Variants in ARSL observed in about 807,000 individuals in gnomAD.
ARSL encodes arylsulfatase E (chondrodysplasia punctata 1).
A neutral mutation model predicts 31.1 loss-of-function variants in ARSL; 4 were observed. That is an observed-to-expected ratio of 0.13 (90% CI 0.06 to 0.29). ARSL has a LOEUF of 0.29. ARSL is among the 10% of genes least tolerant of loss of function. ARSL has a pLI of 1.00. For synonymous variants in ARSL, 198 were observed against 209.9 expected, an observed-to-expected ratio of 0.94 and a Z score of 0.49; for missense variants, 312 against 497.8, an observed-to-expected ratio of 0.63 and a Z score of 3.55.
chrX:2,953,017 T>C, intron 5 of ARSL, 126 bp downstream of exon 5: 4 of 853,298 alleles, frequency 4.7e-6, no homozygotes, highest in Admixed American at 2.4e-5. Context: ...GGTTCCTAGA[T>C]ACATGCAGCT....
intron 6 of ARSL, among the ~76,000 whole-genome samples, chrX:2,947,912 C>T (rs1409315156): frequency 8.9e-6 from 1 of 112,461 alleles, no homozygotes; most frequent in African/African-American, 3.2e-5. Flanking sequence ...CACTTGAGGT[C>T]AGGAGTTCAA....
intron 1 of ARSL, among the ~76,000 whole-genome samples, chrX:2,963,643 C>A (rs1241791993): frequency 2.0e-5 from 2 of 100,607 alleles, no homozygotes; most frequent in Non-Finnish European, 3.9e-5. Flanking sequence ...TGGGCTCAAG[C>A]GATCCTCCTA....
At chrX:2,965,096 T>A (rs181494770), upstream of ARSL, among the ~76,000 whole-genome samples, 507 of 110,270 alleles carry the variant, frequency 4.6e-3, 2 homozygotes, top group African/African-American at 0.016. Context: ...CAAAAAAAAA[T>A]GTTTTAAAGA....
At chrX:2,968,044 G>T, upstream of ARSL, 1 of 920,854 alleles carries the variant, frequency 1.1e-6, no homozygotes, top group Non-Finnish European at 1.5e-6. Flanking sequence ...CATTGACAGG[G>T]ACTTGTTTGA....
intron 8 of ARSL, among the ~76,000 whole-genome samples, chrX:2,939,498 TAAA>T (rs2089251138): frequency 8.9e-6 from 1 of 112,228 alleles, no homozygotes; most frequent in Non-Finnish European, 1.9e-5. Context: ...GGCAATGAGA[TAAA>T]GAAGGTTTCT....
rs1427897388 is a variant in ARSL at position 2,943,132 on chromosome X, A to G, written c.1059T>C (p.Asp353=). 9.9e-6 allele frequency: 12 copies of G among 1,209,184 alleles called. No individual in the cohort carries two copies. Among genetic ancestry groups the G allele is most frequent in the Non-Finnish European group, 1.3e-5 (12 of 895,041 alleles). Residue 353 remains aspartate, a synonymous_variant, in exon 8 of 11, where the codon GAT becomes GAC. Transcript: ENST00000381134. ...SNSTLIYFTS[D]HGGSLENQLG... ...GTTGATTCTCTAGGGAACCGCCGTG[A>G]TCCGACGTAAAATAAATGAGGGTGC...
rs746761169 is a variant in ARSL at position 2,957,220 on chromosome X, C to CAAAA, written c.185+1050_185+1053dup. On this transcript the variant is annotated intron_variant, in intron 3 of 10. Coordinates refer to ENST00000381134, the MANE Select transcript of ARSL (RefSeq NM_000047.3). The stretch of plus-strand genomic sequence containing the variant: ...TGGGTGACAGAGCGAGACTCCGTCT[C>CAAAA]AAAAAAAAAAAATTAATGTTTATAT... Among the ~76,000 whole-genome samples, 690 of 90,925 alleles carry CAAAA rather than the reference C, an allele frequency of 7.6e-3. 8 individuals are homozygous for CAAAA. Among genetic ancestry groups the CAAAA allele is most frequent in the African/African-American group, 0.026 (644 of 24,386 alleles). 79.0% of individuals were successfully genotyped at this position (90,925 alleles called of 115,157 possible). A position where few individuals can be genotyped will look rare whatever the true frequency, so the allele number is the denominator to read the frequency against.
intron 1 of ARSL, 112 bp downstream of exon 1, chrX:2,964,112 T>C (rs910813752): frequency 2.1e-5 from 15 of 723,920 alleles, no homozygotes; most frequent in Middle Eastern, 7.8e-4. Flanking sequence ...CAAAACAAAC[T>C]GGGCAATTAT....
Position 2,934,605 on chromosome X carries a change from A to G in ARSL, c.*227T>C, listed in dbSNP as rs958337432. 2.1e-4 allele frequency: 80 copies of G among 376,476 alleles called. No homozygotes were observed. Among genetic ancestry groups the G allele is most frequent in the Middle Eastern group, 7.1e-4 (1 of 1,411 alleles). 31.0% of individuals were successfully genotyped at this position (376,476 alleles called of 1,213,427 possible). A position where few individuals can be genotyped will look rare whatever the true frequency, so the allele number is the denominator to read the frequency against. On this transcript the variant is annotated 3_prime_UTR_variant, in exon 11 of 11. Transcript: ENST00000381134. Reference sequence around the variant, plus strand: ...ATCCTCCTGCCTTAGCCTCCTGAGAAGCTAGAACTACAGGCGTGTGCCACC... The same window carrying G: ...ATCCTCCTGCCTTAGCCTCCTGAGAGGCTAGAACTACAGGCGTGTGCCACC...
At chrX:2,961,269 G>A (rs1415382926) in intron 1 of ARSL, among the ~76,000 whole-genome samples, 2 of 110,773 alleles carry the variant, frequency 1.8e-5, no homozygotes, top group Non-Finnish European at 3.8e-5. Flanking sequence ...AGGGTGTAGA[G>A]CAGGAAAGGA....
intron 7 of ARSL, among the ~76,000 whole-genome samples, chrX:2,944,688 C>G (rs2089347348): frequency 9.1e-6 from 1 of 109,665 alleles, no homozygotes; most frequent in South Asian, 3.9e-4. Context: ...TTTTGGGAGG[C>G]AGGGATGTGC....
At chrX:2,965,676 T>C (rs1248911126), upstream of ARSL, among the ~76,000 whole-genome samples, 4 of 111,121 alleles carry the variant, frequency 3.6e-5, no homozygotes, top group African/African-American at 1.3e-4. Flanking sequence ...TGAGGTGGGC[T>C]GATCACCTGA....
At chrX:2,951,001 C>T (rs956480586) in intron 5 of ARSL, among the ~76,000 whole-genome samples, 1 of 111,609 alleles carries the variant, frequency 9.0e-6, no homozygotes, top group Non-Finnish European at 1.9e-5. Flanking sequence ...TTAAACGAAG[C>T]CTTGTCCTTG....
chrX:2,965,654 G>A (rs776753188), upstream of ARSL, among the ~76,000 whole-genome samples: 6 of 110,871 alleles, frequency 5.4e-5, no homozygotes, highest in African/African-American at 9.8e-5. Context: ...TAATCCCAGC[G>A]CTTTGGGAGG....
chrX:2,935,484 AAC>A (rs2089184553), intron 10 of ARSL, among the ~76,000 whole-genome samples: 1 of 111,874 alleles, frequency 8.9e-6, no homozygotes, highest in Non-Finnish European at 1.9e-5. Flanking sequence ...AGGATAGGGA[AAC>A]ACATAATGAC....
upstream of ARSL, among the ~76,000 whole-genome samples, chrX:2,967,452 G>A (rs2089707721): frequency 9.0e-6 from 1 of 111,195 alleles, no homozygotes; most frequent in Non-Finnish European, 1.9e-5. Flanking sequence ...AGAGACAAGA[G>A]GCTGGGCGCG....
intron 5 of ARSL, 91 bp downstream of exon 5, chrX:2,953,052 G>A (rs1213237060): frequency 9.5e-7 from 1 of 1,055,982 alleles, no homozygotes; most frequent in African/African-American, 1.8e-5. Context: ...AAATCCCACA[G>A]CACCTCACCC....
In ARSL at chrX:2,938,145, G is replaced by A. The variant is rs142382411; in HGVS notation, c.1239C>T (p.Asp413=). ...CCAGCCGGACCACGGTGGGGAACAC[G>A]TCCATCAGACTCGTGGGCTCGCCAA... ...RVIGEPTSLM[D]VFPTVVRLAG... The change falls in exon 9 of 11, where the codon GAC becomes GAT. Residue 413 remains aspartate (D), a synonymous_variant. Coordinates refer to ENST00000381134, the MANE Select transcript of ARSL (RefSeq NM_000047.3). 19 of 1,210,507 alleles carry A rather than the reference G, an allele frequency of 1.6e-5. No individual in the cohort carries two copies. The highest frequency in any genetic ancestry group is 7.0e-5 in the South Asian group (4 of 56,871).
rs1191292017 is a variant in ARSL, at chrX:2,934,733, C to G, written c.*99G>C. 8 of 828,853 alleles carry G rather than the reference C, an allele frequency of 9.7e-6. No individual in the cohort carries two copies. Among genetic ancestry groups the G allele is most frequent in the Non-Finnish European group, 1.4e-5 (8 of 576,521 alleles). The allele number at this position is 828,853 out of a possible 1,213,427, so 68.3% of individuals were successfully genotyped here. A position where few individuals can be genotyped will look rare whatever the true frequency, so the allele number is the denominator to read the frequency against. ...GGGAGTGATCCTCCTGTGGTGGCCT[C>G]CTAAAGTGCTGGGATGACAACCACC... On this transcript the variant is annotated 3_prime_UTR_variant, in exon 11 of 11. Coordinates refer to ENST00000381134, the MANE Select transcript of ARSL (RefSeq NM_000047.3).
Sources: allele counts gnomAD v4.1 joint callset (sites outside exome capture counted in the v4.1 genomes callset), GRCh38; gene constraint gnomAD v4.1.1; transcripts MANE v1.5; gene names NCBI Gene and HGNC (gene_info 2026-07-23, HGNC 2026-07-21).